Variants in TNN observed in about 807,000 individuals in gnomAD.
TNN encodes the protein tenascin-N.
In TNN, 122 loss-of-function variants were observed where a neutral mutation model predicts 134.4. The observed-to-expected ratio is 0.91, with a 90% CI of 0.78 to 1.06. The LOEUF (loss-of-function observed/expected upper bound fraction) is 1.06. Ranked by LOEUF, TNN falls within the 50% of genes least tolerant of loss-of-function variation. TNN has a pLI of 0.00. For synonymous variants in TNN, 710 were observed against 670.3 expected, an observed-to-expected ratio of 1.06 and a Z score of -0.91; for missense variants, 1,739 against 1,699.4, an observed-to-expected ratio of 1.02 and a Z score of -0.41.
chr1:175,114,458 G>A (rs1388409408), intron 9 of TNN, among the ~76,000 whole-genome samples: 2 of 152,244 alleles, frequency 1.3e-5, no homozygotes, highest in Non-Finnish European at 1.5e-5. Flanking sequence ...TTAGCTGAAA[G>A]TCTCCCTCTT....
At chr1:175,091,428 C>T (rs11587268) in intron 6 of TNN, among the ~76,000 whole-genome samples, 108,606 of 152,108 alleles carry the variant, frequency 0.71, 39,678 homozygotes, top group African/African-American at 0.88. Flanking sequence ...TGTTTCCTGG[C>T]TCTTCTCCAT....
chr1:175,141,640 T>G (rs1299782840), intron 17 of TNN, among the ~76,000 whole-genome samples: 1 of 152,228 alleles, frequency 6.6e-6, no homozygotes, highest in African/African-American at 2.4e-5. Flanking sequence ...GGGGATGCGA[T>G]GTTAATGGCT....
rs148643240 is a variant in TNN, at chr1:175,136,858, A to T, written c.3465A>T (p.Pro1155=). 9.4e-5 allele frequency: 151 copies of T among 1,613,572 alleles called. No homozygotes were observed. The African/African-American group carries it at 1.9e-3, about 20-fold the overall frequency. The stretch of plus-strand genomic sequence containing the variant: ...TACACAACCTCACCACCGGCACTCC[A>T]GCGCGGTATGAGGTGAGAGTGGATT... The part of the protein sequence containing the change: ...DKLHNLTTGT[P]ARYEVRVDLQ... The change falls in exon 17 of 19, where the codon CCA becomes CCT. Residue 1155 remains proline, a synonymous_variant. Transcript: ENST00000239462.
At chr1:175,084,595 C>A (rs1042166049) in intron 5 of TNN, among the ~76,000 whole-genome samples, 1 of 152,130 alleles carries the variant, frequency 6.6e-6, no homozygotes, top group Non-Finnish European at 1.5e-5. Context: ...GGAATGGGCC[C>A]GTGAAAGTGT....
chr1:175,071,822 C>T (rs1673921359), intron 1 of TNN, among the ~76,000 whole-genome samples: 3 of 152,168 alleles, frequency 2.0e-5, no homozygotes, highest in South Asian at 2.1e-4. Context: ...ATTTTTATAG[C>T]GTTTGGCACA....
rs538948057 is a variant in TNN, at chr1:175,126,321, C to T, written c.2915-634C>T. ...TTCATCATATTGGCCAGGCTGGTGT[C>T]GAACTCTTGACCTTGTGATCCGCCT... On this transcript the variant is annotated intron_variant, in intron 12 of 18. Coordinates refer to ENST00000239462, the MANE Select transcript of TNN (RefSeq NM_022093.2). Among the ~76,000 whole-genome samples the T allele has an allele frequency of 8.6e-5, 13 of 152,002 alleles. No individual in the cohort carries two copies. In the South Asian group the frequency reaches 1.0e-3, roughly 12 times the overall value.
At chr1:175,139,457 G>A (rs1448410127) in intron 17 of TNN, among the ~76,000 whole-genome samples, 5 of 152,100 alleles carry the variant, frequency 3.3e-5, no homozygotes, top group Non-Finnish European at 5.9e-5. Flanking sequence ...GGCCTGCACA[G>A]GGTCAGGATC....
intron 9 of TNN, among the ~76,000 whole-genome samples, chr1:175,111,923 C>A (rs1190102598): frequency 6.6e-6 from 1 of 151,950 alleles, no homozygotes; most frequent in Non-Finnish European, 1.5e-5. Flanking sequence ...TATATGAGAT[C>A]ATGTTATCTG....
chr1:175,086,422 G>A (rs1160661441), intron 6 of TNN, among the ~76,000 whole-genome samples: 1 of 152,184 alleles, frequency 6.6e-6, no homozygotes, highest in Non-Finnish European at 1.5e-5. Context: ...TTTAAACCAT[G>A]CTTGAGCCCA....
intron 6 of TNN, among the ~76,000 whole-genome samples, chr1:175,092,824 G>A (rs528878287): frequency 6.6e-6 from 1 of 152,206 alleles, no homozygotes; most frequent in Non-Finnish European, 1.5e-5. Flanking sequence ...ATCATTCATT[G>A]TATCCCATGT....
At chr1:175,137,945 G>C (rs1675855432) in intron 17 of TNN, among the ~76,000 whole-genome samples, 1 of 152,230 alleles carries the variant, frequency 6.6e-6, no homozygotes, top group Non-Finnish European at 1.5e-5. Context: ...AGTTACAGGA[G>C]TGTGGAGAAG....
At position 175,130,267 on chromosome 1, in the gene TNN, C is replaced by T. The variant is rs1675641078; in HGVS notation, c.3330+1521C>T. Among the ~76,000 whole-genome samples, 3 of 152,196 alleles carry T rather than the reference C, an allele frequency of 2.0e-5. 1 individual carries two copies. In the South Asian group the frequency reaches 6.2e-4, roughly 32 times the overall value. The stretch of plus-strand genomic sequence containing the variant: ...TCAGGGGCCTGGGAAACCAAAGACA[C>T]TTGAGCAGCCATGAATAAAAAGATA... On this transcript the variant is annotated intron_variant, in intron 15 of 18. Transcript: ENST00000239462.
rs770578681 is a variant in TNN, at chr1:175,144,389, G to C, written c.3598G>C (p.Asp1200His). The change falls in exon 18 of 19, where the codon GAT becomes CAT. Residue 1200 changes from aspartate to histidine, a missense_variant and splice_region_variant. By Grantham distance (81) the Asp-to-His change is moderately conservative. Coordinates refer to ENST00000239462, the MANE Select transcript of TNN (RefSeq NM_022093.2). Reference protein sequence around the residue: ...TVGKYRGTAGDALTYHNGWKF... With the variant: ...TVGKYRGTAGHALTYHNGWKF... ...CCTCCGTCTCTTCTCTCCTGCAGGG[G>C]ATGCTCTTACTTACCACAATGGATG... is the stretch of plus-strand genomic sequence containing the variant. The C allele has an allele frequency of 6.2e-7, 1 of 1,613,944 alleles. No homozygotes were observed. Among genetic ancestry groups the C allele is most frequent in the Non-Finnish European group, 8.5e-7 (1 of 1,179,878 alleles).
intron 6 of TNN, among the ~76,000 whole-genome samples, chr1:175,085,874 C>CAAAAAA (rs59186260): frequency 3.7e-5 from 3 of 81,530 alleles, no homozygotes; most frequent in Admixed American, 1.4e-4. Context: ...AACTCCATCT[C>CAAAAAA]AAAAAAAAAA....
chr1:175,115,901 T>C lies in TNN; in HGVS notation c.2120-1038T>C, dbSNP rs547463896. ...ACGTTTTGCTGTAGGGAGAAGTTCT[T>C]CCTGGTTTCCAGCTGCTCTTACCTG... On this transcript the variant is annotated intron_variant, in intron 9 of 18. Coordinates refer to ENST00000239462, the MANE Select transcript of TNN (RefSeq NM_022093.2). 2.6e-5 allele frequency among the ~76,000 whole-genome samples: 4 copies of C among 152,288 alleles called. No homozygotes were observed. In the South Asian group the frequency reaches 8.3e-4, roughly 32 times the overall value.
chr1:175,072,888 TG>T (rs1432535303), intron 1 of TNN, among the ~76,000 whole-genome samples: 1 of 147,680 alleles, frequency 6.8e-6, no homozygotes, highest in Non-Finnish European at 1.5e-5. Flanking sequence ...ACCTGGGCTC[TG>T]GGCAGCCTTA....
At chr1:175,082,823 C>G (rs192402939) in intron 4 of TNN, among the ~76,000 whole-genome samples, 9 of 152,230 alleles carry the variant, frequency 5.9e-5, no homozygotes, top group African/African-American at 1.9e-4. Flanking sequence ...CCTTGGCTTT[C>G]CTGTCAAAAA....
intron 11 of TNN, among the ~76,000 whole-genome samples, chr1:175,121,390 G>A (rs1318392857): frequency 2.0e-5 from 3 of 152,226 alleles, no homozygotes; most frequent in East Asian, 1.9e-4. Context: ...AGCATAGAGG[G>A]TGGAAGAGCA....
intron 2 of TNN, 55 bp downstream of exon 2, chr1:175,077,882 T>C: frequency 1.8e-5 from 28 of 1,539,126 alleles, no homozygotes; most frequent in Non-Finnish European, 2.5e-5. Flanking sequence ...ACCTATTATG[T>C]GCCAGGGTTT....
Sources: allele counts gnomAD v4.1 joint callset (sites outside exome capture counted in the v4.1 genomes callset), GRCh38; gene constraint gnomAD v4.1.1; transcripts MANE v1.5; gene names NCBI Gene and HGNC (gene_info 2026-07-23, HGNC 2026-07-21).